SYT1: variants seen among roughly 807,000 people sequenced by gnomAD.
The protein encoded by SYT1 is synaptotagmin-1.
A neutral mutation model predicts 44.8 loss-of-function variants in SYT1; 8 were observed. The ratio of observed to expected loss-of-function variants is 0.18; its 90% CI spans 0.10 to 0.32. The LOEUF (loss-of-function observed/expected upper bound fraction) is 0.32, where lower values mean the gene tolerates loss of function less well. Ranked by LOEUF, SYT1 falls within the 10% of genes least tolerant of loss-of-function variation. The pLI, the probability that SYT1 is intolerant of heterozygous loss-of-function variation, is 1.00. For missense variants in SYT1, 286 were observed against 509.3 expected (o/e 0.56, Z 4.22); for synonymous variants, 154 against 188.8 (o/e 0.82, Z 1.51).
chr12:79,269,383 T>C (rs1169387314), intron 4 of SYT1, among the ~76,000 whole-genome samples: 1 of 152,144 alleles, frequency 6.6e-6, no homozygotes, highest in Non-Finnish European at 1.5e-5. Context: ...AGTTTTATTT[T>C]CTGGGAGTTA....
intron 1 of SYT1, among the ~76,000 whole-genome samples, chr12:78,901,716 C>A (rs1875675427): frequency 6.6e-6 from 1 of 152,114 alleles, no homozygotes; most frequent in Non-Finnish European, 1.5e-5. Flanking sequence ...ATCCAATTCT[C>A]CTCAGACACC....
At chr12:79,027,936 A>G (rs1872628590) in intron 2 of SYT1, among the ~76,000 whole-genome samples, 1 of 151,490 alleles carries the variant, frequency 6.6e-6, no homozygotes, top group Non-Finnish European at 1.5e-5. Flanking sequence ...CTCCTTATAC[A>G]TTCCCACCTT....
intron 3 of SYT1, among the ~76,000 whole-genome samples, chr12:79,072,550 A>G (rs1876358780): frequency 6.6e-6 from 1 of 152,118 alleles, no homozygotes; most frequent in Non-Finnish European, 1.5e-5. Context: ...AGTGTCTAAG[A>G]ATGCGTAAAT....
Position 79,179,544 on chromosome 12 carries a change from G to GATATAT in SYT1, c.-17-37958_-17-37957insTATATA, listed in dbSNP as rs879668657. Among the ~76,000 whole-genome samples the GATATAT allele has an allele frequency of 7.6e-3, 184 of 24,310 alleles. 6 individuals are homozygous for GATATAT. The highest frequency in any genetic ancestry group is 0.027 in the African/African-American group (147 of 5,526). 15.9% of individuals were successfully genotyped at this position (24,310 alleles called of 152,430 possible). On this transcript the variant is annotated intron_variant, in intron 3 of 10. Coordinates refer to ENST00000261205, the MANE Select transcript of SYT1 (RefSeq NM_005639.3). Reference sequence around the variant, plus strand: ...CTATATAGATATAGATATAGATATAGAGATATAGATATAGATTTAGATATA... The same window carrying GATATAT: ...CTATATAGATATAGATATAGATATAGATATATAGATATAGATATAGATTTAGATATA...
At chr12:79,182,553 A>G (rs1162596623) in intron 3 of SYT1, among the ~76,000 whole-genome samples, 1 of 152,100 alleles carries the variant, frequency 6.6e-6, no homozygotes, top group Non-Finnish European at 1.5e-5. Flanking sequence ...GAGTAAAAGG[A>G]GAAAAAACTA....
chr12:79,012,143 A>AC (rs200762831), intron 2 of SYT1, among the ~76,000 whole-genome samples: 1,986 of 151,700 alleles, frequency 0.013, 43 homozygotes, highest in African/African-American at 0.046. Flanking sequence ...AAAAAAAAAA[A>AC]AAAAAAGGGA....
chr12:79,311,611 A>AT (rs1880795867), intron 8 of SYT1, among the ~76,000 whole-genome samples: 1 of 142,534 alleles, frequency 7.0e-6, no homozygotes, highest in Admixed American at 7.2e-5. Context: ...AAGACTTGGA[A>AT]CCAACCCAAA....
chr12:79,391,545 C>T (rs1396856395), intron 9 of SYT1, among the ~76,000 whole-genome samples: 1 of 152,168 alleles, frequency 6.6e-6, no homozygotes, highest in African/African-American at 2.4e-5. Flanking sequence ...TCATTAACTT[C>T]AAATCATGTA....
In SYT1 at chr12:79,071,550, G is replaced by T. The variant is rs372838551; in HGVS notation, c.-18+24188G>T. On this transcript the variant is annotated intron_variant, in intron 3 of 10. Coordinates refer to ENST00000261205, the MANE Select transcript of SYT1 (RefSeq NM_005639.3). ...TGCTACCATAACAAACCACCAATTT[G>T]CATAACCTCAACAAAAGAAATTTAT... Among the ~76,000 whole-genome samples, 13 of 152,166 alleles carry T rather than the reference G, an allele frequency of 8.5e-5. No individual in the cohort carries two copies. In the East Asian group the frequency reaches 9.6e-4, roughly 11 times the overall value.
intron 4 of SYT1, among the ~76,000 whole-genome samples, chr12:79,282,945 A>G (rs977459682): frequency 6.6e-6 from 1 of 152,188 alleles, no homozygotes; most frequent in African/African-American, 2.4e-5. Context: ...GCTGACCAAT[A>G]TTGAAACATG....
At chr12:79,314,025 C>T (rs1387831540) in intron 8 of SYT1, among the ~76,000 whole-genome samples, 6 of 150,728 alleles carry the variant, frequency 4.0e-5, no homozygotes, top group Non-Finnish European at 8.8e-5. Context: ...AAAAATTAGC[C>T]GGGCGTGGTA....
At chr12:78,974,103 A>G (rs1868635476) in intron 1 of SYT1, among the ~76,000 whole-genome samples, 2 of 150,206 alleles carry the variant, frequency 1.3e-5, no homozygotes, top group African/African-American at 2.4e-5. Flanking sequence ...TAAGCTAACT[A>G]TATACATAGG....
At chr12:79,276,631 G>A (rs542267960) in intron 4 of SYT1, among the ~76,000 whole-genome samples, 3 of 150,038 alleles carry the variant, frequency 2.0e-5, no homozygotes, top group Non-Finnish European at 4.4e-5. Flanking sequence ...AGCTAAGATC[G>A]CGCCACTGCA....
At chr12:79,069,954 G>A (rs894452378) in intron 3 of SYT1, among the ~76,000 whole-genome samples, 1 of 152,056 alleles carries the variant, frequency 6.6e-6, no homozygotes, top group African/African-American at 2.4e-5. Context: ...ATAAAGAGAT[G>A]CTCAAATATA....
chr12:79,103,122 A>T (rs1171974028), intron 3 of SYT1: 3 of 152,152 alleles, frequency 2.0e-5, no homozygotes, highest in Admixed American at 1.3e-4. Context: ...AGCAGTATTG[A>T]CTGTGGCTTT....
chr12:79,308,268 T>A (rs1880517159), intron 8 of SYT1, among the ~76,000 whole-genome samples: 1 of 152,148 alleles, frequency 6.6e-6, no homozygotes, highest in African/African-American at 2.4e-5. Flanking sequence ...CTCACGCCTG[T>A]AATCCCAGCA....
intron 2 of SYT1, among the ~76,000 whole-genome samples, chr12:79,026,702 T>TATATATATAA (rs34140383): frequency 8.0e-6 from 1 of 125,328 alleles, no homozygotes; most frequent in African/African-American, 3.0e-5. Flanking sequence ...TATATATATA[T>TATATATATAA]CACACTTTCA....
intron 8 of SYT1, among the ~76,000 whole-genome samples, chr12:79,345,313 C>G (rs1287727128): frequency 2.0e-5 from 3 of 148,096 alleles, no homozygotes; most frequent in Non-Finnish European, 4.4e-5. Context: ...CTAAAGTCCC[C>G]CTCTCCTTAG....
chr12:79,260,187 T>C (rs981507467), intron 4 of SYT1, among the ~76,000 whole-genome samples: 1 of 152,214 alleles, frequency 6.6e-6, no homozygotes, highest in Admixed American at 6.5e-5. Context: ...TTTTTAAGAT[T>C]CTGTTGTTGT....
Sources: gnomAD v4.1 joint callset for allele counts (sites outside exome capture counted in the v4.1 genomes callset) on GRCh38, gnomAD v4.1.1 for gene constraint, MANE v1.5 for transcripts, NCBI Gene and HGNC (gene_info 2026-07-23, HGNC 2026-07-21) for gene names.